ARMH3: variants seen among roughly 807,000 people sequenced by gnomAD.
ARMH3 encodes the protein armadillo like helical domain containing 3.
A neutral mutation model predicts 99.1 loss-of-function variants in ARMH3; 60 were observed. That is an observed-to-expected ratio of 0.61 (90% confidence interval 0.49 to 0.75). The LOEUF (loss-of-function observed/expected upper bound fraction) is 0.75, where lower values mean the gene tolerates loss of function less well. ARMH3 is among the 30% of genes least tolerant of loss of function. The pLI, the probability that ARMH3 is intolerant of heterozygous loss-of-function variation, is 0.00. For synonymous variants in ARMH3, 285 were observed against 292.8 expected, an observed-to-expected ratio of 0.97 and a Z score of 0.27; for missense variants, 679 against 843.1, an observed-to-expected ratio of 0.81 and a Z score of 2.41.
chr10:102,052,454 G>A (rs1232650241), intron 1 of ARMH3, among the ~76,000 whole-genome samples: 1 of 152,042 alleles, frequency 6.6e-6, no homozygotes, highest in East Asian at 1.9e-4. Context: ...GAACTCTTGA[G>A]CTCAAGCAAT....
intron 8 of ARMH3, among the ~76,000 whole-genome samples, chr10:102,020,103 ATGT>A (rs2066846668): frequency 6.6e-6 from 1 of 152,060 alleles, no homozygotes; most frequent in Non-Finnish European, 1.5e-5. Flanking sequence ...TTCAAGCTAA[ATGT>A]TATTACAAAA....
intron 23 of ARMH3, among the ~76,000 whole-genome samples, chr10:101,930,164 G>C (rs1843661877): frequency 6.6e-6 from 1 of 151,956 alleles, no homozygotes; most frequent in Non-Finnish European, 1.5e-5. Flanking sequence ...TTTAACATCT[G>C]AAAATCAATT....
At chr10:101,913,147 A>T (rs1842934372) in intron 23 of ARMH3, 1 of 148,590 alleles carries the variant, frequency 6.7e-6, no homozygotes, top group Admixed American at 6.8e-5. Flanking sequence ...CTCCTAGCTA[A>T]GCTTTTCTTT....
At chr10:101,924,536 T>C (rs935179790) in intron 23 of ARMH3, among the ~76,000 whole-genome samples, 4 of 151,512 alleles carry the variant, frequency 2.6e-5, no homozygotes, top group African/African-American at 7.3e-5. Flanking sequence ...TTTTTTTTTT[T>C]AGTAGAGACG....
At chr10:102,033,485 T>A (rs969924016) in intron 2 of ARMH3, 146 bp from the exon 3 acceptor site, 3 of 848,668 alleles carry the variant, frequency 3.5e-6, no homozygotes, top group Non-Finnish European at 5.3e-6. Flanking sequence ...TGGCGTGATC[T>A]CGGCTCACTG....
intron 22 of ARMH3, among the ~76,000 whole-genome samples, chr10:101,943,027 A>G (rs1844314557): frequency 6.6e-6 from 1 of 152,240 alleles, no homozygotes; most frequent in African/African-American, 2.4e-5. Context: ...GGAGGAAAAC[A>G]AAGAAGGTGA....
At chr10:101,993,353 GAA>G (rs1340951770) in intron 17 of ARMH3, among the ~76,000 whole-genome samples, 183 bp downstream of exon 17, 1 of 149,392 alleles carries the variant, frequency 6.7e-6, no homozygotes, top group Non-Finnish European at 1.5e-5. Context: ...TCTTGATTAA[GAA>G]ACAGCTCCAT....
intron 19 of ARMH3, among the ~76,000 whole-genome samples, chr10:101,984,133 G>A (rs1046545143): frequency 6.6e-6 from 1 of 152,140 alleles, no homozygotes. Flanking sequence ...AGTCTTCTGT[G>A]TTGATTGTCG....
chr10:101,889,690 T>C, intron 23 of ARMH3, 200 bp from the exon 24 acceptor site: 2 of 570,970 alleles, frequency 3.5e-6, no homozygotes, highest in Non-Finnish European at 6.4e-6. Flanking sequence ...GATTTACTAT[T>C]AGACAGAAAA....
chr10:101,881,989 CT>C (rs1343710724), intron 24 of ARMH3, among the ~76,000 whole-genome samples: 1 of 152,170 alleles, frequency 6.6e-6, no homozygotes, highest in Non-Finnish European at 1.5e-5. Flanking sequence ...AATAGATCCA[CT>C]GGTAAGCTAA....
chr10:101,985,901 C>T (rs1439952295), intron 19 of ARMH3, among the ~76,000 whole-genome samples: 1 of 151,810 alleles, frequency 6.6e-6, no homozygotes, highest in Non-Finnish European at 1.5e-5. Flanking sequence ...ACCTGTAATC[C>T]CAGCTACTCA....
At chr10:101,966,648 T>A (rs1325734125) in intron 20 of ARMH3, among the ~76,000 whole-genome samples, 1 of 152,132 alleles carries the variant, frequency 6.6e-6, no homozygotes, top group African/African-American at 2.4e-5. Context: ...ACAAGGAACC[T>A]TTTTTGCAGA....
At position 101,990,596 on chromosome 10, in the gene ARMH3, AACT is replaced by A; in HGVS notation, c.1358_1360del (p.Glu453_Phe454delinsVal). On this transcript the variant is annotated inframe_deletion, in exon 19 of 26. Transcript: ENST00000370033. ...CTCCTTCATCATGTGTGTTACAATA[AACT>A]CTACCATCAGGTCTGAAAGGGGAAT... 1 of 1,605,424 alleles carries A rather than the reference AACT, an allele frequency of 6.2e-7. No individual in the cohort carries two copies. The highest frequency in any genetic ancestry group is 8.5e-7 in the Non-Finnish European group (1 of 1,172,226).
chr10:101,865,334 C>A (rs1476982877), intron 24 of ARMH3, among the ~76,000 whole-genome samples: 1 of 151,718 alleles, frequency 6.6e-6, no homozygotes. Context: ...AAAATATACA[C>A]AAGTCTATTA....
intron 2 of ARMH3, among the ~76,000 whole-genome samples, chr10:102,034,070 G>A (rs1193294525): frequency 1.3e-5 from 2 of 152,136 alleles, no homozygotes; most frequent in South Asian, 2.1e-4. Context: ...GAGTACACAA[G>A]TTAAGTGACT....
At chr10:101,888,631 C>A (rs1047086618) in intron 24 of ARMH3, among the ~76,000 whole-genome samples, 1 of 152,222 alleles carries the variant, frequency 6.6e-6, no homozygotes, top group Non-Finnish European at 1.5e-5. Context: ...GAACAGGGCA[C>A]ATATGGTCTT....
chr10:101,850,238 CAG>C (rs1216340757), intron 24 of ARMH3, among the ~76,000 whole-genome samples: 1 of 151,134 alleles, frequency 6.6e-6, no homozygotes, highest in South Asian at 2.1e-4. Flanking sequence ...GCTGGGACGA[CAG>C]GGGCACATCA....
intron 22 of ARMH3, among the ~76,000 whole-genome samples, chr10:101,948,797 T>C (rs1259587707): frequency 6.7e-6 from 1 of 149,304 alleles, no homozygotes; most frequent in Non-Finnish European, 1.5e-5. Flanking sequence ...AAAATACAAG[T>C]GCATGTGGAA....
intron 8 of ARMH3, among the ~76,000 whole-genome samples, chr10:102,020,831 G>C (rs1258212991): frequency 7.1e-6 from 1 of 140,588 alleles, no homozygotes; most frequent in Admixed American, 7.5e-5. Flanking sequence ...CTGGGCAACA[G>C]ACTAAGACTC....
Sources: allele counts gnomAD v4.1 joint callset (sites outside exome capture counted in the v4.1 genomes callset), GRCh38; gene constraint gnomAD v4.1.1; transcripts MANE v1.5; gene names NCBI Gene and HGNC (gene_info 2026-07-23, HGNC 2026-07-21).